Variants in MMS22L observed in about 807,000 individuals in gnomAD.
The protein encoded by MMS22L is MMS22 like, DNA repair protein.
MMS22L carries 74 observed loss-of-function variants against 159.1 expected under a neutral mutation model. The ratio of observed to expected loss-of-function variants is 0.47; its 90% confidence interval spans 0.39 to 0.56. MMS22L has a LOEUF of 0.56. Among genes scored for constraint, MMS22L ranks in the 20% least tolerant of loss-of-function variants. MMS22L has a pLI of 0.00. For missense variants in MMS22L, 1,351 were observed against 1,422.1 expected, an observed-to-expected ratio of 0.95 and a Z score of 0.80; for synonymous variants, 517 against 506.9, an observed-to-expected ratio of 1.02 and a Z score of -0.27.
intron 14 of MMS22L, among the ~76,000 whole-genome samples, chr6:97,219,186 G>T (rs1809358958): frequency 6.6e-6 from 1 of 151,970 alleles, no homozygotes; most frequent in African/African-American, 2.4e-5. Context: ...CATATCAACT[G>T]GTAACACACG....
chr6:97,227,730 T>C (rs1296472298), intron 14 of MMS22L, among the ~76,000 whole-genome samples: 1 of 152,240 alleles, frequency 6.6e-6, no homozygotes, highest in Non-Finnish European at 1.5e-5. Context: ...GGAAGCAGTC[T>C]GTTTATCTTT....
Position 97,242,592 on chromosome 6 carries a change from G to A in MMS22L, c.1182+4036C>T, listed in dbSNP as rs996607561. Among the ~76,000 whole-genome samples the A allele has an allele frequency of 2.6e-5, 4 of 152,214 alleles. No homozygotes were observed. The South Asian group carries it at 8.3e-4, about 32-fold the overall frequency. ...CACATTTAGGTCATTTACATACAAC[G>A]TTAGTATTGAGATGTAAGGTACTAT... is the stretch of plus-strand genomic sequence containing the variant. On this transcript the variant is annotated intron_variant, in intron 11 of 24. Transcript: ENST00000683635.
chr6:97,150,770 G>A (rs750191594), intron 23 of MMS22L, among the ~76,000 whole-genome samples: 1 of 152,054 alleles, frequency 6.6e-6, no homozygotes, highest in Non-Finnish European at 1.5e-5. Context: ...ATCCAACATA[G>A]AATGAAGGAA....
intron 18 of MMS22L, 60 bp from the exon 19 acceptor site, chr6:97,173,282 CATAAAG>C (rs1313921186): frequency 6.0e-5 from 91 of 1,522,528 alleles, no homozygotes; most frequent in Non-Finnish European, 6.9e-5. Context: ...AGATTTGGAA[CATAAAG>C]ATAATTTTTC....
intron 14 of MMS22L, 125 bp from the exon 15 acceptor site, chr6:97,186,815 T>C (rs575993544): frequency 1.6e-6 from 1 of 607,462 alleles, no homozygotes; most frequent in South Asian, 4.1e-5. Flanking sequence ...AAAACCTTTA[T>C]GCCAAGACAT....
chr6:97,186,983 T>G (rs1418143233), intron 14 of MMS22L, among the ~76,000 whole-genome samples: 2 of 152,128 alleles, frequency 1.3e-5, no homozygotes, highest in African/African-American at 2.4e-5. Context: ...ATTTTGCAAC[T>G]CACACATGAC....
Position 97,146,139 on chromosome 6 carries a change from A to C in MMS22L, c.*667T>G, listed in dbSNP as rs1164047569. ...ACTCCAAAAGAAAGGATGAATAAAA[A>C]AAAAATTTGGCAACTCTTGGAACCT... On this transcript the variant is annotated 3_prime_UTR_variant, in exon 25 of 25. Transcript: ENST00000683635. The C allele has an allele frequency of 6.6e-6, 1 of 151,716 alleles. No individual in the cohort carries two copies. Among genetic ancestry groups the C allele is most frequent in the Non-Finnish European group, 1.5e-5 (1 of 67,856 alleles). The allele number at this position is 151,716 out of a possible 1,614,324, so 9.4% of individuals were successfully genotyped here.
At position 97,186,567 on chromosome 6, in the gene MMS22L, G is replaced by A. The variant is rs201121070; in HGVS notation, c.2163C>T (p.Phe721=). ...AAVASALWRH[F]FSFLKSQRMS... The stretch of plus-strand genomic sequence containing the variant: ...TTCTCTGACTCTTCAAAAATGAAAA[G>A]AAATGTCTCCACAGTGCACTGGCAA... Residue 721 remains phenylalanine (F), a synonymous_variant, in exon 15 of 25, where the codon TTC becomes TTT. Transcript: ENST00000683635. 7 of 1,612,600 alleles carry A rather than the reference G, an allele frequency of 4.3e-6. No individual in the cohort carries two copies. The East Asian group carries it at 1.6e-4, about 36-fold the overall frequency.
intron 14 of MMS22L, among the ~76,000 whole-genome samples, chr6:97,214,606 T>C (rs1014485993): frequency 6.6e-6 from 1 of 151,826 alleles, no homozygotes; most frequent in Non-Finnish European, 1.5e-5. Flanking sequence ...AGCCTAATAT[T>C]GATTTCTTAA....
chr6:97,238,579 G>A (rs1488210903), intron 11 of MMS22L, among the ~76,000 whole-genome samples: 3 of 78,512 alleles, frequency 3.8e-5, no homozygotes, highest in African/African-American at 1.1e-4. Context: ...TCTCGTGTGT[G>A]TGTGTGTGTG....
At chr6:97,221,060 G>C (rs1203412240) in intron 14 of MMS22L, among the ~76,000 whole-genome samples, 1 of 151,438 alleles carries the variant, frequency 6.6e-6, no homozygotes, top group African/African-American at 2.4e-5. Context: ...GAGTTCTTTT[G>C]AAAACAATAC....
Position 97,279,250 on chromosome 6 carries a change from G to A in MMS22L, c.291-352C>T, listed in dbSNP as rs192329880. On this transcript the variant is annotated intron_variant, in intron 3 of 24. Transcript: ENST00000683635. The stretch of plus-strand genomic sequence containing the variant: ...TGTAATCCCAGCACTTTGGGAGGCC[G>A]AGGCGGGCGGATTACGAGGTCAGGA... 5.8e-3 allele frequency among the ~76,000 whole-genome samples: 885 copies of A among 151,652 alleles called. 10 individuals carry two copies. Among genetic ancestry groups the A allele is most frequent in the Non-Finnish European group, 7.6e-3 (519 of 67,898 alleles).
chr6:97,254,915 C>T (rs1813630032), intron 9 of MMS22L, among the ~76,000 whole-genome samples, 182 bp from the exon 10 acceptor site: 1 of 152,124 alleles, frequency 6.6e-6, no homozygotes, highest in South Asian at 2.1e-4. Flanking sequence ...AAGTACCTTA[C>T]AGGTCACCAC....
At chr6:97,210,104 T>C (rs1808217943) in intron 14 of MMS22L, among the ~76,000 whole-genome samples, 2 of 151,864 alleles carry the variant, frequency 1.3e-5, no homozygotes, top group South Asian at 4.1e-4. Context: ...CTGCCTGAGG[T>C]CCCAGAGTTA....
chr6:97,216,959 T>G (rs1809080524), intron 14 of MMS22L, among the ~76,000 whole-genome samples: 1 of 152,226 alleles, frequency 6.6e-6, no homozygotes, highest in Non-Finnish European at 1.5e-5. Context: ...AATGAAATGC[T>G]TTCTTTACAG....
In MMS22L at chr6:97,149,916, G is replaced by A. The variant is rs1207409903; in HGVS notation, c.3587C>T (p.Thr1196Ile). 1.2e-6 allele frequency: 2 copies of A among 1,613,652 alleles called. No homozygotes were observed. The highest frequency in any genetic ancestry group is 1.7e-6 in the Non-Finnish European group (2 of 1,179,748). The change falls in exon 24 of 25, where the codon ACC (threonine) becomes ATC (isoleucine). Residue 1196 changes from threonine to isoleucine, a missense_variant. By Grantham distance (89) the Thr-to-Ile change is moderately conservative. Transcript: ENST00000683635. ...DQQVVIHLIS[T>I]LTQSLKDSEQ... The stretch of plus-strand genomic sequence containing the variant: ...TGAATCCTTCAGAGACTGAGTAAGG[G>A]TAGAAATCAAGTGGATGACAACCTG...
chr6:97,253,055 G>A (rs1813408931), intron 10 of MMS22L, among the ~76,000 whole-genome samples: 1 of 152,114 alleles, frequency 6.6e-6, no homozygotes, highest in African/African-American at 2.4e-5. Context: ...TTTTCTGTGA[G>A]AAGTTCATTG....
chr6:97,231,314 T>G, intron 13 of MMS22L, 112 bp downstream of exon 13: 1 of 743,216 alleles, frequency 1.3e-6, no homozygotes, highest in South Asian at 1.8e-5. Context: ...GATTACCTAG[T>G]AACATTATAA....
intron 22 of MMS22L, among the ~76,000 whole-genome samples, chr6:97,160,935 A>G (rs1802374745): frequency 6.6e-6 from 1 of 151,930 alleles, no homozygotes; most frequent in East Asian, 1.9e-4. Flanking sequence ...GGTTCTTTTC[A>G]TAAAATTTCT....
Sources: gnomAD v4.1 joint callset for allele counts (sites outside exome capture counted in the v4.1 genomes callset) on GRCh38, gnomAD v4.1.1 for gene constraint, MANE v1.5 for transcripts, NCBI Gene and HGNC (gene_info 2026-07-23, HGNC 2026-07-21) for gene names.